Variants in ZNF600 observed in about 807,000 individuals in gnomAD.
ZNF600 encodes the protein zinc finger protein 600, also known as zinc finger protein KR-ZNF1.
A neutral mutation model predicts 7.3 loss-of-function variants in ZNF600; 4 were observed. That is an observed-to-expected ratio of 0.55 (90% CI 0.27 to 1.25). The LOEUF is 1.25. Among genes scored for constraint, ZNF600 ranks in the 50% most tolerant of loss-of-function variants. The pLI, the probability that ZNF600 is intolerant of heterozygous loss-of-function variation, is 0.12. For synonymous variants in ZNF600, 290 were observed against 308.9 expected (o/e 0.94, Z 0.64); for missense variants, 911 against 922.1 (o/e 0.99, Z 0.16).
the ZNF600 span, among the ~76,000 whole-genome samples, chr19:52,819,634 G>A: frequency 2.7e-4 from 35 of 131,980 alleles, 4 homozygotes; most frequent in Non-Finnish European, 4.7e-4. Context: ...CCCTGAGAAG[G>A]TCTGAGATGA....
At chr19:52,795,354 T>C in the ZNF600 span, among the ~76,000 whole-genome samples, 3 of 152,134 alleles carry the variant, frequency 2.0e-5, no homozygotes, top group African/African-American at 7.2e-5. Context: ...AGAAAATGTT[T>C]CCAATATATG....
the ZNF600 span, among the ~76,000 whole-genome samples, chr19:52,808,990 GTGTGTATATATGTATTTGTATGTATA>G: frequency 1.3e-5 from 2 of 152,154 alleles, no homozygotes; most frequent in South Asian, 4.1e-4. Context: ...ATATACAGAT[GTGTGTATATATGTATTTGTATGTATA>G]TGTGTGTGCA....
chr19:52,830,432 G>A, the ZNF600 span, among the ~76,000 whole-genome samples: 10 of 152,016 alleles, frequency 6.6e-5, no homozygotes, highest in East Asian at 3.9e-4. Flanking sequence ...AGGATCCCAC[G>A]ACATGTTTCT....
At chr19:52,807,845 T>C in the ZNF600 span, 2,569 of 1,195,270 alleles carry the variant, frequency 2.1e-3, 4 homozygotes, top group Non-Finnish European at 2.8e-3. Flanking sequence ...GCAGAACCTC[T>C]AAACAAAGGG....
chr19:52,821,811 C>T, the ZNF600 span: 1 of 152,086 alleles, frequency 6.6e-6, no homozygotes, highest in African/African-American at 2.4e-5. Context: ...AGGCCATGTT[C>T]TCAGGCTTTT....
chr19:52,798,403 T>C, the ZNF600 span: 11 of 388,600 alleles, frequency 2.8e-5, no homozygotes, highest in African/African-American at 2.1e-4. Flanking sequence ...TGTCAATTAA[T>C]GCTTGATGGC....
chr19:52,810,631 A>G, the ZNF600 span: 1 of 1,409,706 alleles, frequency 7.1e-7, no homozygotes, highest in Non-Finnish European at 1.0e-6. Context: ...TCCATTCTAC[A>G]GTGGTTTTAA....
At chr19:52,824,662 A>G in the ZNF600 span, among the ~76,000 whole-genome samples, 2 of 152,048 alleles carry the variant, frequency 1.3e-5, no homozygotes, top group Non-Finnish European at 2.9e-5. Flanking sequence ...AACTTTAAAG[A>G]CGAAAATAAA....
At chr19:52,826,306 A>G in the ZNF600 span, among the ~76,000 whole-genome samples, 5 of 152,142 alleles carry the variant, frequency 3.3e-5, no homozygotes, top group African/African-American at 1.2e-4. Context: ...AATTGCGGCA[A>G]ATGCTTGTAA....
the ZNF600 span, chr19:52,800,758 C>CGGAAGGT: frequency 1.2e-6 from 2 of 1,613,616 alleles, no homozygotes; most frequent in East Asian, 4.5e-5. Context: ...CGATTAAAAA[C>CGGAAGGT]CTTGCCACAT....
the ZNF600 span, among the ~76,000 whole-genome samples, chr19:52,803,664 A>G: frequency 1.3e-5 from 2 of 152,186 alleles, no homozygotes; most frequent in Non-Finnish European, 1.5e-5. Flanking sequence ...ACAGCATTAT[A>G]AAGAATGAGA....
At position 52,781,688 on chromosome 19, in the gene ZNF600, G is replaced by C. The variant is rs544229015; in HGVS notation, c.-19-2781C>G. ...GGCTGACGCAAGATCACTTGAGCCT[G>C]GGAGGCAGAGGTTGCAGTGATCCAA... On this transcript the variant is annotated intron_variant, in intron 1 of 3. Transcript: ENST00000648973. Among the ~76,000 whole-genome samples the C allele has an allele frequency of 1.8e-4, 28 of 151,996 alleles. No homozygotes were observed. The South Asian group carries it at 5.8e-3, about 32-fold the overall frequency.
At chr19:52,766,643 T>C in exon 4 of ZNF600, 6 of 1,614,176 alleles carry the variant, frequency 3.7e-6, no homozygotes, top group Non-Finnish European at 5.1e-6. Flanking sequence ...ATACAAGGGA[T>C]GACTTGTGAC....
chr19:52,806,686 G>C, the ZNF600 span, among the ~76,000 whole-genome samples: 2 of 151,938 alleles, frequency 1.3e-5, no homozygotes. Flanking sequence ...TGGGTCACTT[G>C]AGATCAGAAG....
chr19:52,776,344 A>G lies in ZNF600; in HGVS notation c.64-1643T>C, dbSNP rs1474778876. On this transcript the variant is annotated intron_variant, in intron 2 of 3. Transcript: ENST00000648973. ...ATGTGACAAAGGTCCAAGGGTAAGA[A>G]CACGGAGCATCCTACAAGGTCGCTG... Among the ~76,000 whole-genome samples, 5 of 152,238 alleles carry G rather than the reference A, an allele frequency of 3.3e-5. No homozygotes were observed. The South Asian group carries it at 1.0e-3, about 32-fold the overall frequency.
At chr19:52,828,281 A>G in the ZNF600 span, among the ~76,000 whole-genome samples, 1 of 151,846 alleles carries the variant, frequency 6.6e-6, no homozygotes, top group Non-Finnish European at 1.5e-5. Context: ...CGAACTCCTG[A>G]CCTCAAGTGA....
At chr19:52,793,434 C>T in the ZNF600 span, among the ~76,000 whole-genome samples, 1 of 152,268 alleles carries the variant, frequency 6.6e-6, no homozygotes, top group South Asian at 2.1e-4. Context: ...TAGAGAGTCC[C>T]AGGCAGAGGG....
the ZNF600 span, among the ~76,000 whole-genome samples, chr19:52,816,009 C>A: frequency 2.0e-5 from 3 of 146,524 alleles, no homozygotes. Context: ...TTTAAAGTCT[C>A]ATAATGATGC....
the ZNF600 span, chr19:52,801,471 T>C: frequency 8.1e-6 from 13 of 1,614,108 alleles, no homozygotes; most frequent in Admixed American, 1.2e-4. Context: ...TTGATCATGT[T>C]GGCCTGTACT....
Sources: allele counts gnomAD v4.1 joint callset (sites outside exome capture counted in the v4.1 genomes callset), GRCh38; gene constraint gnomAD v4.1.1; transcripts MANE v1.5; gene names NCBI Gene and HGNC (gene_info 2026-07-23, HGNC 2026-07-21).